Variants in BCAS3 observed in about 807,000 individuals in gnomAD.
The protein encoded by BCAS3 is BCAS3 microtubule associated cell migration factor, also known as BCAS4/BCAS3 fusion.
A neutral mutation model predicts 116.1 loss-of-function variants in BCAS3; 53 were observed. The ratio of observed to expected loss-of-function variants is 0.46; its 90% CI spans 0.37 to 0.57. The LOEUF is 0.57. Among genes scored for constraint, BCAS3 ranks in the 20% least tolerant of loss-of-function variants. The probability of loss-of-function intolerance (pLI) is 0.00; values close to 1 mark genes in which losing one functional copy is unlikely to be tolerated. For synonymous variants in BCAS3, 391 were observed against 408.2 expected (o/e 0.96, Z 0.51); for missense variants, 917 against 1,165.4 (o/e 0.79, Z 3.10).
intron 22 of BCAS3, among the ~76,000 whole-genome samples, chr17:61,318,029 G>A (rs781714081): frequency 6.6e-5 from 10 of 152,372 alleles, no homozygotes; most frequent in Non-Finnish European, 1.2e-4. Flanking sequence ...AGCAAGAACA[G>A]GGTTTGTGCT....
Position 61,145,343 on chromosome 17 carries a change from A to G in BCAS3, c.2425+60779A>G, listed in dbSNP as rs1464139755. ...CAGCGGGGTCTGGCCTGCAGAAAGG[A>G]GCAGCCTGACCAAATTTACGCTCAC... On this transcript the variant is annotated intron_variant, in intron 22 of 23. Transcript: ENST00000407086. The surrounding 1 kb of genome is among the most constrained non-coding windows in gnomAD (Gnocchi z 5.0). Among the ~76,000 whole-genome samples, 12 of 152,194 alleles carry G rather than the reference A, an allele frequency of 7.9e-5. No individual in the cohort carries two copies.
At chr17:61,079,745 G>A (rs563212831) in intron 21 of BCAS3, among the ~76,000 whole-genome samples, 11 of 151,900 alleles carry the variant, frequency 7.2e-5, no homozygotes, top group African/African-American at 2.4e-4. Context: ...ACAGGCGCCC[G>A]CCACCAGACC....
chr17:61,067,036 T>TA (rs2070699849), intron 19 of BCAS3, among the ~76,000 whole-genome samples: 2 of 151,794 alleles, frequency 1.3e-5, no homozygotes, highest in Admixed American at 6.6e-5. Flanking sequence ...AACCGATAAA[T>TA]ACCATATTTT....
At chr17:60,711,383 T>C (rs2037910707) in intron 5 of BCAS3, among the ~76,000 whole-genome samples, 1 of 152,126 alleles carries the variant, frequency 6.6e-6, no homozygotes, top group Non-Finnish European at 1.5e-5. Context: ...TAGGTTGTGA[T>C]AAAACAAAAG....
chr17:61,330,888 G>A (rs564020501), intron 22 of BCAS3, among the ~76,000 whole-genome samples: 4 of 152,330 alleles, frequency 2.6e-5, no homozygotes, highest in East Asian at 1.9e-4. Context: ...CTCTGCCAGC[G>A]TTGACATCCT....
At position 61,223,231 on chromosome 17, in the gene BCAS3, C is replaced by T. The variant is rs533655603; in HGVS notation, c.2425+138667C>T. ...GGAGTGCAGTGGCGCAGCTTTGGCTCACTGCAACCTCCACCTCCTGGGTTC... is the reference window on the plus strand; with the variant it reads ...GGAGTGCAGTGGCGCAGCTTTGGCTTACTGCAACCTCCACCTCCTGGGTTC... On this transcript the variant is annotated intron_variant, in intron 22 of 23. Coordinates refer to ENST00000407086, the MANE Select transcript of BCAS3 (RefSeq NM_017679.5). Among the ~76,000 whole-genome samples the T allele has an allele frequency of 1.0e-4, 13 of 128,020 alleles. No individual in the cohort carries two copies. The South Asian group carries it at 3.4e-3, about 34-fold the overall frequency. 84.0% of individuals were successfully genotyped at this position (128,020 alleles called of 152,430 possible). A position where few individuals can be genotyped will look rare whatever the true frequency, so the allele number is the denominator to read the frequency against.
intron 8 of BCAS3, among the ~76,000 whole-genome samples, chr17:60,868,923 A>G (rs1224900747): frequency 6.6e-6 from 1 of 152,220 alleles, no homozygotes. Flanking sequence ...AGCATTTGTA[A>G]AACAAAATGG....
intron 15 of BCAS3, among the ~76,000 whole-genome samples, chr17:60,992,188 T>TCACACA (rs1491404901): frequency 2.5e-5 from 2 of 78,956 alleles, no homozygotes; most frequent in Non-Finnish European, 4.6e-5. Context: ...ATCCGATGAC[T>TCACACA]TACACACACA....
intron 22 of BCAS3, among the ~76,000 whole-genome samples, chr17:61,201,966 A>T (rs1475902349): frequency 2.7e-5 from 4 of 149,084 alleles, no homozygotes; most frequent in African/African-American, 9.9e-5. Flanking sequence ...CACCATGTTG[A>T]TGAAGCTGGT....
In BCAS3 at chr17:61,349,884, G is replaced by A. The variant is rs2057726490; in HGVS notation, c.2426-18443G>A. Among the ~76,000 whole-genome samples, 1 of 152,234 alleles carries A rather than the reference G, an allele frequency of 6.6e-6. No individual in the cohort carries two copies. The highest frequency in any genetic ancestry group is 2.4e-5 in the African/African-American group (1 of 41,462). On this transcript the variant is annotated intron_variant, in intron 22 of 23. Transcript: ENST00000407086. This position sits in a 1 kb window ranked among gnomAD's most constrained non-coding sequence, Gnocchi z 4.7. ...AGCATAGAAGCAGTTCAGAAGGCCA[G>A]TGCCCTTTGTGTGAAATTGCAAATT...
At chr17:60,786,927 A>G (rs1331883723) in intron 6 of BCAS3, among the ~76,000 whole-genome samples, 1 of 152,106 alleles carries the variant, frequency 6.6e-6, no homozygotes, top group Non-Finnish European at 1.5e-5. Context: ...CCAACTTTTT[A>G]TTTTCAAAAA....
In BCAS3 at chr17:61,343,220, G is replaced by T. The variant is rs1204067680; in HGVS notation, c.2426-25107G>T. 6.6e-6 allele frequency among the ~76,000 whole-genome samples: 1 copy of T among 152,222 alleles called. No individual in the cohort carries two copies. The highest frequency in any genetic ancestry group is 2.4e-5 in the African/African-American group (1 of 41,454). On this transcript the variant is annotated intron_variant, in intron 22 of 23. Coordinates refer to ENST00000407086, the MANE Select transcript of BCAS3 (RefSeq NM_017679.5). The surrounding 1 kb of genome is among the most constrained non-coding windows in gnomAD (Gnocchi z 5.5). ...CATAAGCACGTTGGCCAAGGCTGTTGCCACACAAGGTGGGGAAGTGACGTT... is the reference window on the plus strand; with the variant it reads ...CATAAGCACGTTGGCCAAGGCTGTTTCCACACAAGGTGGGGAAGTGACGTT...
intron 13 of BCAS3, among the ~76,000 whole-genome samples, chr17:60,935,069 C>T (rs774007494): frequency 2.6e-5 from 4 of 151,944 alleles, no homozygotes; most frequent in Non-Finnish European, 4.4e-5. Flanking sequence ...GAGGCTGAGG[C>T]GTGAGAATTG....
At chr17:60,971,703 A>C (rs1029725263) in intron 14 of BCAS3, among the ~76,000 whole-genome samples, 3 of 152,200 alleles carry the variant, frequency 2.0e-5, no homozygotes, top group Admixed American at 2.0e-4. Flanking sequence ...TAAAAGATAA[A>C]GTGGCTGTAA....
chr17:61,136,981 A>G lies in BCAS3; in HGVS notation c.2425+52417A>G, dbSNP rs1054353801. Among the ~76,000 whole-genome samples the G allele has an allele frequency of 6.6e-5, 10 of 152,244 alleles. No homozygotes were observed. Among genetic ancestry groups the G allele is most frequent in the African/African-American group, 2.4e-4 (10 of 41,458 alleles). ...CATTGAATTGTATACATCAAATGTA[A>G]GAATTATGAATTACATTTCAATAAA... On this transcript the variant is annotated intron_variant, in intron 22 of 23. Coordinates refer to ENST00000407086, the MANE Select transcript of BCAS3 (RefSeq NM_017679.5). This position sits in a 1 kb window ranked among gnomAD's most constrained non-coding sequence, Gnocchi z 4.4.
Position 61,087,020 on chromosome 17 carries a change from A to G in BCAS3, c.2425+2456A>G, listed in dbSNP as rs1353008854. ...TAGGCTAACAAAAATCAAGGTAGCA[A>G]GTCTAACGAAATCGAGGCTAAATAA... On this transcript the variant is annotated intron_variant, in intron 22 of 23. Coordinates refer to ENST00000407086, the MANE Select transcript of BCAS3 (RefSeq NM_017679.5). This position sits in a 1 kb window ranked among gnomAD's most constrained non-coding sequence, Gnocchi z 4.6. The G allele has an allele frequency of 1.0e-6, 1 of 985,158 alleles. No homozygotes were observed. Among genetic ancestry groups the G allele is most frequent in the Non-Finnish European group, 1.2e-6 (1 of 829,750 alleles). The allele number at this position is 985,158 out of a possible 1,614,324, so 61.0% of individuals were successfully genotyped here.
At chr17:61,369,321 G>T (rs574683764) in intron 23 of BCAS3, among the ~76,000 whole-genome samples, 1 of 152,304 alleles carries the variant, frequency 6.6e-6, no homozygotes, top group Admixed American at 6.5e-5. Flanking sequence ...TCTGGCTAGA[G>T]GCCTTTTCTC....
At chr17:61,060,169 C>A (rs2143291788) in intron 19 of BCAS3, among the ~76,000 whole-genome samples, 1 of 151,910 alleles carries the variant, frequency 6.6e-6, no homozygotes, top group South Asian at 2.1e-4. Flanking sequence ...CTCTGTCGCC[C>A]AGGCTGGAGT....
At chr17:60,992,965 A>T (rs1439842153) in intron 15 of BCAS3, among the ~76,000 whole-genome samples, 1 of 152,198 alleles carries the variant, frequency 6.6e-6, no homozygotes, top group Non-Finnish European at 1.5e-5. Context: ...CTAGGTCAAT[A>T]AGAGAAACCA....
Sources: gnomAD v4.1 joint callset for allele counts (sites outside exome capture counted in the v4.1 genomes callset) on GRCh38, gnomAD v4.1.1 for gene constraint, Gnocchi (gnomAD v3.1) non-coding constraint, MANE v1.5 for transcripts, NCBI Gene and HGNC (gene_info 2026-07-23, HGNC 2026-07-21) for gene names.